The following PCCA variants were observed in gnomAD, a reference collection of about 807,000 sequenced individuals.
PCCA encodes the protein propionyl-CoA carboxylase alpha chain, mitochondrial.
A neutral mutation model predicts 101.3 loss-of-function variants in PCCA; 74 were observed. That is an observed-to-expected ratio of 0.73 (90% confidence interval 0.61 to 0.89). The LOEUF is 0.89. PCCA is among the 40% of genes least tolerant of loss of function. The probability of loss-of-function intolerance (pLI) is 0.00; values close to 1 mark genes in which losing one functional copy is unlikely to be tolerated. For missense variants in PCCA, 891 were observed against 907.0 expected (o/e 0.98, Z 0.23); for synonymous variants, 294 against 313.6 (o/e 0.94, Z 0.66).
intron 8 of PCCA, among the ~76,000 whole-genome samples, chr13:100,249,436 A>G (rs1184662623): frequency 6.6e-6 from 1 of 152,108 alleles, no homozygotes; most frequent in Non-Finnish European, 1.5e-5. Context: ...CTCTTGAGTA[A>G]TTTGTCTGTC....
intron 16 of PCCA, among the ~76,000 whole-genome samples, chr13:100,313,696 A>T (rs2067112870): frequency 6.6e-6 from 1 of 152,234 alleles, no homozygotes; most frequent in African/African-American, 2.4e-5. Context: ...CAGTTAAAGT[A>T]TAAATTAAAT....
chr13:100,155,204 G>A (rs1027392803), intron 5 of PCCA, 112 bp downstream of exon 5: 17 of 762,502 alleles, frequency 2.2e-5, no homozygotes, highest in Admixed American at 1.4e-4. Flanking sequence ...TGCTGTTGCA[G>A]TTAGTTCATG....
intron 10 of PCCA, among the ~76,000 whole-genome samples, chr13:100,268,189 T>C (rs1370531304): frequency 2.6e-5 from 4 of 152,232 alleles, no homozygotes; most frequent in Non-Finnish European, 5.9e-5. Flanking sequence ...TCCAGACCTT[T>C]AGCAGTTTCC....
chr13:100,228,165 GC>G (rs1316136666), intron 7 of PCCA, among the ~76,000 whole-genome samples: 1 of 152,058 alleles, frequency 6.6e-6, no homozygotes, highest in East Asian at 1.9e-4. Flanking sequence ...AAAGGCGCAT[GC>G]CACCACGCCC....
At chr13:100,364,477 A>C (rs1289626738) in intron 18 of PCCA, among the ~76,000 whole-genome samples, 1 of 152,248 alleles carries the variant, frequency 6.6e-6, no homozygotes, top group Non-Finnish European at 1.5e-5. Context: ...GCATTCTTTC[A>C]GGTTTGTATT....
chr13:100,170,932 G>A (rs1381136912), intron 6 of PCCA, among the ~76,000 whole-genome samples: 2 of 152,200 alleles, frequency 1.3e-5, no homozygotes, highest in Admixed American at 1.3e-4. Flanking sequence ...TTCCCAGTAT[G>A]TTCTGTGGTA....
chr13:100,474,869 A>T (rs1486520129), intron 21 of PCCA, among the ~76,000 whole-genome samples: 3 of 152,268 alleles, frequency 2.0e-5, no homozygotes, highest in Admixed American at 2.0e-4. Flanking sequence ...TTTTGTAGCA[A>T]TTTTATTGAG....
intron 16 of PCCA, among the ~76,000 whole-genome samples, 162 bp downstream of exon 16, chr13:100,310,070 A>G (rs917316480): frequency 2.0e-5 from 3 of 152,226 alleles, no homozygotes; most frequent in Admixed American, 1.3e-4. Context: ...CATACCAAGT[A>G]TAGCCGTTTC....
chr13:100,124,034 A>AG (rs911140884), intron 4 of PCCA, among the ~76,000 whole-genome samples: 1 of 152,154 alleles, frequency 6.6e-6, no homozygotes, highest in African/African-American at 2.4e-5. Flanking sequence ...AGAATTTGGG[A>AG]ATTTAAGATT....
At chr13:100,229,046 A>G (rs956283281) in intron 7 of PCCA, among the ~76,000 whole-genome samples, 2 of 151,954 alleles carry the variant, frequency 1.3e-5, no homozygotes, top group Non-Finnish European at 2.9e-5. Context: ...TGGCTTTTCA[A>G]TTTGAAAACT....
At chr13:100,260,398 T>TGTGTGTG (rs59230228) in intron 9 of PCCA, among the ~76,000 whole-genome samples, 6 of 131,806 alleles carry the variant, frequency 4.6e-5, no homozygotes, top group African/African-American at 1.4e-4. Flanking sequence ...TGTGTGTGTG[T>TGTGTGTG]TTTTTTTTTT....
chr13:100,487,177 G>A (rs1214996002), intron 21 of PCCA, among the ~76,000 whole-genome samples: 2 of 152,190 alleles, frequency 1.3e-5, no homozygotes, highest in Non-Finnish European at 2.9e-5. Flanking sequence ...GGCCTCAGCA[G>A]TATTACTGAT....
At chr13:100,362,621 T>A (rs887914912) in intron 18 of PCCA, among the ~76,000 whole-genome samples, 6 of 152,076 alleles carry the variant, frequency 3.9e-5, no homozygotes, top group African/African-American at 1.4e-4. Flanking sequence ...TCATGCCCAG[T>A]GTCTAAATTG....
chr13:100,492,665 C>G (rs2084990977), intron 21 of PCCA, among the ~76,000 whole-genome samples: 1 of 151,158 alleles, frequency 6.6e-6, no homozygotes, highest in Non-Finnish European at 1.5e-5. Context: ...TTTTTGTGCC[C>G]AAATGTTGCC....
At chr13:100,136,449 G>A (rs1271986611) in intron 4 of PCCA, among the ~76,000 whole-genome samples, 1 of 152,126 alleles carries the variant, frequency 6.6e-6, no homozygotes, top group Non-Finnish European at 1.5e-5. Context: ...GCCTCCCAAA[G>A]TGCTGGGATT....
intron 5 of PCCA, among the ~76,000 whole-genome samples, chr13:100,155,650 A>C (rs1269479807): frequency 6.6e-6 from 1 of 152,148 alleles, no homozygotes; most frequent in African/African-American, 2.4e-5. Context: ...ATGATTTCTG[A>C]TATCAGAAAC....
chr13:100,451,986 CTTTTCT>C (rs1566344177), intron 21 of PCCA, among the ~76,000 whole-genome samples: 1 of 25,822 alleles, frequency 3.9e-5, no homozygotes, highest in Admixed American at 4.8e-4. Context: ...CCCTCTCTCT[CTTTTCT>C]CCCTCTCTCT....
intron 20 of PCCA, among the ~76,000 whole-genome samples, chr13:100,444,430 CCTTTT>C (rs2080624429): frequency 8.7e-6 from 1 of 115,598 alleles, no homozygotes; most frequent in African/African-American, 3.2e-5. Flanking sequence ...TTTTGAACAA[CCTTTT>C]TTTTTTTTTT....
intron 21 of PCCA, among the ~76,000 whole-genome samples, chr13:100,494,164 G>A (rs2085104572): frequency 2.0e-5 from 3 of 152,008 alleles, no homozygotes; most frequent in Non-Finnish European, 2.9e-5. Context: ...ACTCCAGCCT[G>A]GTGACAGAGG....
Sources: gnomAD v4.1 joint callset for allele counts (sites outside exome capture counted in the v4.1 genomes callset) on GRCh38, gnomAD v4.1.1 for gene constraint, MANE v1.5 for transcripts, NCBI Gene and HGNC (gene_info 2026-07-23, HGNC 2026-07-21) for gene names.